Variants in ARHGAP15 observed in about 807,000 individuals in gnomAD.
The protein encoded by ARHGAP15 is rho GTPase-activating protein 15.
A neutral mutation model predicts 63.7 loss-of-function variants in ARHGAP15; 51 were observed. That is an observed-to-expected ratio of 0.80 (90% CI 0.64 to 1.01). The LOEUF is 1.01. Ranked by LOEUF, ARHGAP15 falls within the 50% of genes least tolerant of loss-of-function variation. ARHGAP15 has a pLI of 0.00. For missense variants in ARHGAP15, 560 were observed against 564.6 expected (o/e 0.99, Z 0.08); for synonymous variants, 191 against 193.8 (o/e 0.99, Z 0.12).
At chr2:143,284,872 G>GA (rs1439574261) in intron 6 of ARHGAP15, among the ~76,000 whole-genome samples, 2 of 152,156 alleles carry the variant, frequency 1.3e-5, no homozygotes, top group African/African-American at 4.8e-5. Flanking sequence ...AAGAGTGGTA[G>GA]ATTTCAATGA....
At chr2:143,580,374 C>A (rs1696847173) in intron 11 of ARHGAP15, among the ~76,000 whole-genome samples, 1 of 152,152 alleles carries the variant, frequency 6.6e-6, no homozygotes, top group Non-Finnish European at 1.5e-5. Flanking sequence ...CTGACCACAT[C>A]CAATTATTTC....
intron 6 of ARHGAP15, among the ~76,000 whole-genome samples, chr2:143,417,559 G>T (rs1339335170): frequency 1.3e-5 from 2 of 152,132 alleles, no homozygotes; most frequent in African/African-American, 2.4e-5. Context: ...ACATTCTTAT[G>T]CAGTGGCTAC....
chr2:143,540,107 T>C (rs1694975388), intron 10 of ARHGAP15, among the ~76,000 whole-genome samples: 1 of 152,214 alleles, frequency 6.6e-6, no homozygotes, highest in African/African-American at 2.4e-5. Context: ...GTTCTTCTTG[T>C]TGAATTGATC....
At chr2:143,424,337 AAT>A (rs1359297096) in intron 6 of ARHGAP15, among the ~76,000 whole-genome samples, 1 of 152,156 alleles carries the variant, frequency 6.6e-6, no homozygotes, top group Non-Finnish European at 1.5e-5. Flanking sequence ...TCCGAATTGC[AAT>A]AGAGTTACAC....
intron 6 of ARHGAP15, among the ~76,000 whole-genome samples, chr2:143,405,117 A>G (rs547300402): frequency 3.3e-5 from 5 of 151,910 alleles, no homozygotes; most frequent in Non-Finnish European, 5.9e-5. Context: ...CTTGCTAAAT[A>G]ATTTGTAATG....
chr2:143,556,632 A>G, intron 11 of ARHGAP15, 147 bp downstream of exon 11: 1 of 560,572 alleles, frequency 1.8e-6, no homozygotes, highest in Non-Finnish European at 3.0e-6. Flanking sequence ...TCAGAAAAGT[A>G]AAAGATAACC....
intron 6 of ARHGAP15, among the ~76,000 whole-genome samples, chr2:143,329,841 T>A (rs763598546): frequency 6.6e-6 from 1 of 151,308 alleles, no homozygotes. Context: ...AAAACTTTCA[T>A]TGAAGCTGTG....
At chr2:143,320,541 G>A (rs910287912) in intron 6 of ARHGAP15, among the ~76,000 whole-genome samples, 10 of 151,764 alleles carry the variant, frequency 6.6e-5, no homozygotes, top group African/African-American at 2.2e-4. Context: ...GAAGACCCTA[G>A]AATCTAACTG....
chr2:143,218,179 T>C (rs1692832517), intron 4 of ARHGAP15, among the ~76,000 whole-genome samples: 1 of 152,184 alleles, frequency 6.6e-6, no homozygotes, highest in African/African-American at 2.4e-5. Flanking sequence ...GTTAAATTAA[T>C]ATAAACATTT....
chr2:143,406,224 T>C (rs928160264), intron 6 of ARHGAP15, among the ~76,000 whole-genome samples: 1 of 151,990 alleles, frequency 6.6e-6, no homozygotes, highest in Admixed American at 6.6e-5. Context: ...CATGCCCATA[T>C]TTTGTAAGCT....
intron 6 of ARHGAP15, among the ~76,000 whole-genome samples, chr2:143,318,164 A>G (rs999821396): frequency 2.6e-5 from 4 of 151,556 alleles, no homozygotes; most frequent in Non-Finnish European, 4.4e-5. Flanking sequence ...ACACCTGGCT[A>G]ATATTTTTGT....
chr2:143,338,613 G>C (rs1480223864), intron 6 of ARHGAP15, among the ~76,000 whole-genome samples: 1 of 152,152 alleles, frequency 6.6e-6, no homozygotes, highest in Non-Finnish European at 1.5e-5. Flanking sequence ...AATAAGAGTA[G>C]AGAGACTGTC....
intron 12 of ARHGAP15, among the ~76,000 whole-genome samples, chr2:143,667,077 C>T (rs1351807014): frequency 6.6e-6 from 1 of 151,002 alleles, no homozygotes; most frequent in Admixed American, 6.6e-5. Context: ...TGGGTATATA[C>T]CCAAAGGACT....
chr2:143,362,077 G>T (rs1686082188), intron 6 of ARHGAP15, among the ~76,000 whole-genome samples: 1 of 152,108 alleles, frequency 6.6e-6, no homozygotes, highest in African/African-American at 2.4e-5. Flanking sequence ...AACCAGGAAT[G>T]CTGTTCTACC....
chr2:143,624,473 T>C (rs1359629178), intron 12 of ARHGAP15, among the ~76,000 whole-genome samples: 1 of 151,970 alleles, frequency 6.6e-6, no homozygotes, highest in Admixed American at 6.6e-5. Context: ...TGTTTTTAAT[T>C]AGGAAAAAAA....
chr2:143,763,765 AAT>A, intron 13 of ARHGAP15, among the ~76,000 whole-genome samples: 1 of 147,034 alleles, frequency 6.8e-6, no homozygotes, highest in South Asian at 2.1e-4. Context: ...TATGTATATA[AAT>A]ATATTTATAT....
intron 6 of ARHGAP15, among the ~76,000 whole-genome samples, chr2:143,266,999 C>T (rs1199195694): frequency 2.6e-5 from 4 of 152,144 alleles, no homozygotes; most frequent in African/African-American, 9.7e-5. Context: ...TGACAAGCAA[C>T]ATGTTTGCCT....
At chr2:143,333,078 T>G (rs557760368) in intron 6 of ARHGAP15, among the ~76,000 whole-genome samples, 1 of 152,054 alleles carries the variant, frequency 6.6e-6, no homozygotes, top group South Asian at 2.1e-4. Context: ...ACCAGACATA[T>G]TCTATATAAT....
At chr2:143,406,134 A>G (rs952755882) in intron 6 of ARHGAP15, among the ~76,000 whole-genome samples, 5 of 151,878 alleles carry the variant, frequency 3.3e-5, no homozygotes, top group Admixed American at 2.0e-4. Context: ...GTTTTCTCAT[A>G]TCTATTGGCT....
Sources: gnomAD v4.1 joint callset for allele counts (sites outside exome capture counted in the v4.1 genomes callset) on GRCh38, gnomAD v4.1.1 for gene constraint, MANE v1.5 for transcripts, NCBI Gene and HGNC (gene_info 2026-07-23, HGNC 2026-07-21) for gene names.